LONP1: variants seen among roughly 807,000 people sequenced by gnomAD.
LONP1 encodes the protein lon peptidase 1, mitochondrial, also known as lon protease homolog, mitochondrial.
In LONP1, 31 loss-of-function variants were observed where a neutral mutation model predicts 98.5. The observed-to-expected ratio is 0.31, with a 90% CI of 0.24 to 0.42. The LOEUF is 0.42. LONP1 is among the 20% of genes least tolerant of loss of function. The pLI, the probability that LONP1 is intolerant of heterozygous loss-of-function variation, is 1.00. For synonymous variants in LONP1, 781 were observed against 594.7 expected (o/e 1.31, Z -4.56); for missense variants, 1,336 against 1,350.6 (o/e 0.99, Z 0.17).
chr19:5,693,529 G>A (rs1181905019), intron 16 of LONP1, 23 bp downstream of exon 16: 1 of 1,613,654 alleles, frequency 6.2e-7, no homozygotes, highest in Non-Finnish European at 8.5e-7. Flanking sequence ...GCGGGAGCAG[G>A]TGGGAGCGGA....
In LONP1 at chr19:5,691,985, G is replaced by GCCCAGACAGGGCCTGACATCCAGTTCTGA; in HGVS notation, c.*46_*47insTCAGAACTGGATGTCAGGCCCTGTCTGGG. ...GCGCTCCCCACAGCGCTCAGTTCTG[G>GCCCAGACAGGGCCTGACATCCAGTTCTGA]CCCAGACAGGGCCTGACATCCGCCG... On this transcript the variant is annotated 3_prime_UTR_variant, in exon 18 of 18. Coordinates refer to ENST00000360614, the MANE Select transcript of LONP1 (RefSeq NM_004793.4). The GCCCAGACAGGGCCTGACATCCAGTTCTGA allele has an allele frequency of 6.3e-7, 1 of 1,585,236 alleles. No homozygotes were observed. The highest frequency in any genetic ancestry group is 8.6e-7 in the Non-Finnish European group (1 of 1,164,914).
intron 8 of LONP1, among the ~76,000 whole-genome samples, chr19:5,702,046 C>G (rs1181864090): frequency 1.3e-5 from 2 of 148,888 alleles, no homozygotes; most frequent in South Asian, 2.1e-4. Context: ...AGCGTCTCCG[C>G]CCAGCAGCCA....
At chr19:5,699,611 G>A (rs1193344966) in intron 9 of LONP1, among the ~76,000 whole-genome samples, 1 of 144,022 alleles carries the variant, frequency 6.9e-6, no homozygotes, top group Non-Finnish European at 1.5e-5. Context: ...AGGCTAGAGT[G>A]TACTGGTGCG....
intron 9 of LONP1, among the ~76,000 whole-genome samples, chr19:5,699,995 A>G (rs1178247794): frequency 4.6e-5 from 7 of 152,172 alleles, no homozygotes; most frequent in African/African-American, 1.7e-4. Context: ...GCTGGAGTGT[A>G]GTGGTGCATC....
intron 4 of LONP1, among the ~76,000 whole-genome samples, chr19:5,711,469 C>G (rs1223212477): frequency 6.6e-6 from 1 of 152,216 alleles, no homozygotes; most frequent in Non-Finnish European, 1.5e-5. Context: ...GTCTTGGTAA[C>G]CGCTGGAGGC....
At chr19:5,700,590 T>G (rs2055022552) in intron 9 of LONP1, among the ~76,000 whole-genome samples, 199 bp downstream of exon 9, 1 of 152,196 alleles carries the variant, frequency 6.6e-6, no homozygotes, top group Non-Finnish European at 1.5e-5. Flanking sequence ...CCGTCAGGCA[T>G]GACTTCAGTC....
chr19:5,699,077 G>C lies in LONP1; in HGVS notation c.1635C>G (p.Phe545Leu). 1.2e-6 allele frequency: 2 copies of C among 1,608,922 alleles called. No individual in the cohort carries two copies. Among genetic ancestry groups the C allele is most frequent in the Non-Finnish European group, 1.7e-6 (2 of 1,177,076 alleles). Residue 545 changes from phenylalanine to leucine, a missense_variant, in exon 10 of 18, where the codon TTC becomes TTG. By Grantham distance (22) the Phe-to-Leu change is conservative. This residue lies in a region of LONP1 where 219 missense variants were observed against 241.0 expected (regional missense o/e 0.91). Coordinates refer to ENST00000360614, the MANE Select transcript of LONP1 (RefSeq NM_004793.4). The stretch of plus-strand genomic sequence containing the variant: ...CAGTCATGCCCCCGACGCTGAAGCG[G>C]AAGTACTCTCGGTTCAGGGCGCGGG... ...SIARALNREY[F>L]RFSVGGMTDV...
intron 3 of LONP1, 57 bp from the exon 4 acceptor site, chr19:5,712,059 G>A (rs1026565753): frequency 2.1e-6 from 3 of 1,431,148 alleles, no homozygotes; most frequent in South Asian, 1.3e-5. Flanking sequence ...GCTGGACCCG[G>A]CTGAGGCCTC....
intron 2 of LONP1, 22 bp downstream of exon 2, chr19:5,714,161 A>T (rs1178861871): frequency 6.3e-7 from 1 of 1,594,214 alleles, no homozygotes; most frequent in East Asian, 2.2e-5. Context: ...CAACAAGGGA[A>T]TGAAGGAAAA....
chr19:5,709,122 C>T (rs2055196282), intron 4 of LONP1, among the ~76,000 whole-genome samples: 1 of 151,956 alleles, frequency 6.6e-6, no homozygotes, highest in Admixed American at 6.6e-5. Context: ...TCAAGCGATC[C>T]TCCCCGCTCA....
chr19:5,699,433 G>C (rs2055001549), intron 9 of LONP1, among the ~76,000 whole-genome samples: 1 of 152,198 alleles, frequency 6.6e-6, no homozygotes, highest in Non-Finnish European at 1.5e-5. Context: ...TAGGTGCTAG[G>C]AGACCGCGGC....
Position 5,720,025 on chromosome 19 carries a change from T to C in LONP1, c.108A>G (p.Gly36=). The C allele has an allele frequency of 3.8e-6, 6 of 1,564,576 alleles. No homozygotes were observed. The highest frequency in any genetic ancestry group is 5.2e-6 in the Non-Finnish European group (6 of 1,158,498). ...AAGGRVPTAA[G]AWLLRGQRTC... is the part of the protein sequence containing the mutation. ...TCCGCTGGCCTCGGAGCAACCACGC[T>C]CCTGCTGCAGTGGGAACCCGCCCCC... is the stretch of plus-strand genomic sequence containing the variant. The change falls in exon 1 of 18, where the codon GGA becomes GGG. Residue 36 remains glycine, a synonymous_variant. Coordinates refer to ENST00000360614, the MANE Select transcript of LONP1 (RefSeq NM_004793.4).
At position 5,696,315 on chromosome 19, in the gene LONP1, C is replaced by G. The variant is rs773829250; in HGVS notation, c.1830G>C (p.Leu610=). The G allele has an allele frequency of 1.9e-6, 3 of 1,613,414 alleles. 1 individual carries two copies. The South Asian group carries it at 3.3e-5, about 18-fold the overall frequency. ...AGTTGGCATTCTGCTCTGGGTCCAG[C>G]AGCTCCAGCAGTGCCGACGACGGGT... ...QGDPSSALLE[L]LDPEQNANFL... Residue 610 remains leucine, a synonymous_variant, in exon 12 of 18, where the codon CTG becomes CTC. Transcript: ENST00000360614.
At chr19:5,701,005 T>C (rs2055031451) in intron 8 of LONP1, 78 bp from the exon 9 acceptor site, 1 of 1,559,144 alleles carries the variant, frequency 6.4e-7, no homozygotes, top group Non-Finnish European at 8.8e-7. Context: ...GCTGGGTGGT[T>C]GCAAGGGGCT....
Position 5,705,811 on chromosome 19 carries a change from C to T in LONP1, c.1328G>A (p.Ser443Asn), listed in dbSNP as rs1323082586. 6.2e-7 allele frequency: 1 copy of T among 1,614,100 alleles called. No individual in the cohort carries two copies. The highest frequency in any genetic ancestry group is 1.1e-5 in the South Asian group (1 of 91,088). ...GTGGTTGTCCAGCAGGCCCAGCTTG[C>T]TCAGCTCCTCGTCCACAACATCCAT... ...HVMDVVDEEL[S>N]KLGLLDNHSS... Residue 443 changes from serine to asparagine, a missense_variant, in exon 8 of 18, where the codon AGC (serine) becomes AAC (asparagine). Ser to Asn is a conservative substitution (Grantham distance 46, BLOSUM62 1). Coordinates refer to ENST00000360614, the MANE Select transcript of LONP1 (RefSeq NM_004793.4).
chr19:5,711,694 G>A (rs1225604873), intron 4 of LONP1, 77 bp downstream of exon 4: 24 of 1,239,264 alleles, frequency 1.9e-5, no homozygotes, highest in East Asian at 4.7e-5. Flanking sequence ...ATGACTCTTC[G>A]GAGAGGCCGC....
At chr19:5,713,279 GT>G (rs2055266260) in intron 2 of LONP1, 26 bp from the exon 3 acceptor site, 1 of 1,592,794 alleles carries the variant, frequency 6.3e-7, no homozygotes, top group Non-Finnish European at 8.6e-7. Context: ...ACAGAGGAAT[GT>G]TGGAACATGG....
intron 1 of LONP1, among the ~76,000 whole-genome samples, chr19:5,715,333 C>CTTTTT (rs554066832): frequency 7.2e-6 from 1 of 138,234 alleles, no homozygotes; most frequent in Non-Finnish European, 1.6e-5. Context: ...TGATAACTTC[C>CTTTTT]TTTTTTTTTT....
At chr19:5,706,923 C>A in intron 7 of LONP1, 137 bp downstream of exon 7, 1 of 691,956 alleles carries the variant, frequency 1.4e-6, no homozygotes, top group South Asian at 1.7e-5. Flanking sequence ...GCACGAAGCC[C>A]TCAAAACCCA....
Sources: allele counts gnomAD v4.1 joint callset (sites outside exome capture counted in the v4.1 genomes callset), GRCh38; gene constraint gnomAD v4.1.1; regional missense constraint gnomAD v4.1.1; transcripts MANE v1.5; gene names NCBI Gene and HGNC (gene_info 2026-07-23, HGNC 2026-07-21).